Variants in KIF26B observed in about 807,000 individuals in gnomAD.
KIF26B encodes the protein kinesin-like protein KIF26B.
Under a neutral mutation model 151.2 loss-of-function variants are expected in KIF26B, and 63 were observed. The observed-to-expected ratio is 0.42, with a 90% CI of 0.34 to 0.51. The LOEUF (loss-of-function observed/expected upper bound fraction) is 0.51. KIF26B is among the 20% of genes least tolerant of loss of function. The probability of loss-of-function intolerance (pLI) is 0.07; values close to 1 mark genes in which losing one functional copy is unlikely to be tolerated. For synonymous variants in KIF26B, 1,357 were observed against 1,262.1 expected, an observed-to-expected ratio of 1.08 and a Z score of -1.59; for missense variants, 2,813 against 2,913.6, an observed-to-expected ratio of 0.97 and a Z score of 0.79.
chr1:245,160,947 C>T (rs557550095), intron 2 of KIF26B, among the ~76,000 whole-genome samples: 14 of 152,218 alleles, frequency 9.2e-5, no homozygotes, highest in African/African-American at 2.9e-4. Flanking sequence ...AATAACTAGA[C>T]GCAAAAAGTC....
chr1:245,173,781 A>G (rs1668755894), intron 2 of KIF26B, among the ~76,000 whole-genome samples: 1 of 152,102 alleles, frequency 6.6e-6, no homozygotes, highest in Admixed American at 6.6e-5. Context: ...CCTTTCTCTT[A>G]CTTCCACGGA....
chr1:245,240,866 T>C (rs1031233107), intron 2 of KIF26B, among the ~76,000 whole-genome samples: 6 of 152,114 alleles, frequency 3.9e-5, no homozygotes, highest in Admixed American at 6.5e-5. Flanking sequence ...AGAACCAGCC[T>C]GGCAGAGAGC....
chr1:245,345,210 C>T (rs1300013053), intron 2 of KIF26B, among the ~76,000 whole-genome samples: 1 of 152,102 alleles, frequency 6.6e-6, no homozygotes, highest in Non-Finnish European at 1.5e-5. Flanking sequence ...TAATGAAGAG[C>T]CCACAAGCCC....
Position 245,685,511 on chromosome 1 carries a change from TC to T in KIF26B, c.2532del (p.Ile845SerfsTer77). ...FHTRATVDPD[F>X]PIAHLSSDPD... is the part of the protein sequence containing the mutation. ...ACCAGGGCCACGGTGGACCCTGACT[TC>T]CCCATCGCTCACCTGTCCAGCGACC... On this transcript the variant is annotated frameshift_variant, in exon 12 of 15. Coordinates refer to ENST00000407071, the MANE Select transcript of KIF26B (RefSeq NM_018012.4). LOFTEE classifies it high-confidence loss of function. 1 of 1,613,558 alleles carries T rather than the reference TC, an allele frequency of 6.2e-7. No individual in the cohort carries two copies. Among genetic ancestry groups the T allele is most frequent in the Non-Finnish European group, 8.5e-7 (1 of 1,179,748 alleles).
chr1:245,237,969 T>C (rs1670145022), intron 2 of KIF26B, among the ~76,000 whole-genome samples: 1 of 150,818 alleles, frequency 6.6e-6, no homozygotes, highest in African/African-American at 2.4e-5. Flanking sequence ...GAGGCTGTGG[T>C]GAGCCATGAT....
intron 3 of KIF26B, among the ~76,000 whole-genome samples, chr1:245,417,448 G>C (rs1674448038): frequency 1.3e-5 from 2 of 152,180 alleles, no homozygotes; most frequent in South Asian, 4.1e-4. Flanking sequence ...CTAAGGAGAA[G>C]AGTTTTGAAG....
intron 2 of KIF26B, among the ~76,000 whole-genome samples, chr1:245,200,440 T>C (rs898364017): frequency 6.6e-6 from 1 of 152,246 alleles, no homozygotes; most frequent in African/African-American, 2.4e-5. Context: ...ATATCATTAA[T>C]GCAAGGGTTA....
At chr1:245,467,710 C>T (rs959083753) in intron 4 of KIF26B, among the ~76,000 whole-genome samples, 3 of 152,136 alleles carry the variant, frequency 2.0e-5, no homozygotes, top group Admixed American at 6.5e-5. Flanking sequence ...GCCTGGCCAA[C>T]ATGGTGAAAC....
At chr1:245,665,070 A>T (rs1043497922) in intron 10 of KIF26B, among the ~76,000 whole-genome samples, 1 of 152,252 alleles carries the variant, frequency 6.6e-6, no homozygotes, top group East Asian at 1.9e-4. Flanking sequence ...ATTGTGTGTT[A>T]AAGTTTCAAA....
chr1:245,385,166 A>AC (rs758600560), intron 3 of KIF26B, among the ~76,000 whole-genome samples: 6 of 152,216 alleles, frequency 3.9e-5, no homozygotes, highest in Non-Finnish European at 5.9e-5. Flanking sequence ...AACTTACACA[A>AC]CAGGTTTGGC....
intron 3 of KIF26B, among the ~76,000 whole-genome samples, chr1:245,376,765 C>G (rs697313): frequency 0.69 from 104,881 of 152,082 alleles, 36,902 homozygotes; most frequent in African/African-American, 0.84. Context: ...TTGGCTCACT[C>G]CAACCTCCGC....
intron 5 of KIF26B, among the ~76,000 whole-genome samples, chr1:245,561,685 C>G (rs2042953339): frequency 6.6e-6 from 1 of 152,222 alleles, no homozygotes; most frequent in African/African-American, 2.4e-5. Context: ...CATATACCAA[C>G]TCATTAAAGT....
At chr1:245,283,743 A>G (rs10924146) in intron 2 of KIF26B, among the ~76,000 whole-genome samples, 69,436 of 148,578 alleles carry the variant, frequency 0.47, 16,416 homozygotes, top group East Asian at 0.65. Context: ...GCTAGAGTGC[A>G]CTGGCACAAT....
At chr1:245,605,518 C>T (rs1277872296) in intron 6 of KIF26B, among the ~76,000 whole-genome samples, 2 of 152,190 alleles carry the variant, frequency 1.3e-5, no homozygotes, top group East Asian at 1.9e-4. Flanking sequence ...TTCATGGTTG[C>T]CTTTGAGAGC....
At chr1:245,613,893 G>A (rs2043555194) in intron 9 of KIF26B, among the ~76,000 whole-genome samples, 1 of 152,164 alleles carries the variant, frequency 6.6e-6, no homozygotes, top group Non-Finnish European at 1.5e-5. Flanking sequence ...ATACAGTCAT[G>A]TAGCCACCAC....
intron 9 of KIF26B, among the ~76,000 whole-genome samples, chr1:245,638,197 A>G (rs926124214): frequency 6.6e-6 from 1 of 151,782 alleles, no homozygotes; most frequent in African/African-American, 2.4e-5. Context: ...TTTTTCTTGT[A>G]GAGATCTTTC....
rs76943155 is a variant in KIF26B at position 245,525,412 on chromosome 1, G to C, written c.1167-15355G>C. Among the ~76,000 whole-genome samples, 4 of 152,178 alleles carry C rather than the reference G, an allele frequency of 2.6e-5. No individual in the cohort carries two copies. In the East Asian group the frequency reaches 7.7e-4, roughly 29 times the overall value. ...TTGTTATTAGTGATTTGTTGGACAGGATAGAGAGAAAGCACAGTTATTTAA... is the reference window on the plus strand; with the variant it reads ...TTGTTATTAGTGATTTGTTGGACAGCATAGAGAGAAAGCACAGTTATTTAA... On this transcript the variant is annotated intron_variant, in intron 4 of 14. Transcript: ENST00000407071.
chr1:245,671,063 G>T (rs979112723), intron 10 of KIF26B, among the ~76,000 whole-genome samples: 1 of 152,100 alleles, frequency 6.6e-6, no homozygotes, highest in African/African-American at 2.4e-5. Flanking sequence ...CAATTGCTTT[G>T]ATTTTTAGGT....
chr1:245,214,190 A>G (rs1669597285), intron 2 of KIF26B: 1 of 151,426 alleles, frequency 6.6e-6, no homozygotes, highest in Non-Finnish European at 1.5e-5. Context: ...CCTGGGCAAC[A>G]TCGCAAGACC....
Sources: allele counts gnomAD v4.1 joint callset (sites outside exome capture counted in the v4.1 genomes callset), GRCh38; gene constraint gnomAD v4.1.1; transcripts MANE v1.5; gene names NCBI Gene and HGNC (gene_info 2026-07-23, HGNC 2026-07-21).